ENTPD6: variants seen among roughly 807,000 people sequenced by gnomAD.
ENTPD6 encodes ectonucleoside triphosphate diphosphohydrolase 6, also known as CD39 antigen-like 2.
A neutral mutation model predicts 61.5 loss-of-function variants in ENTPD6; 46 were observed. The observed-to-expected ratio is 0.75, with a 90% confidence interval of 0.59 to 0.96. ENTPD6 has a LOEUF of 0.96. Ranked by LOEUF, ENTPD6 falls within the 40% of genes least tolerant of loss-of-function variation. The probability of loss-of-function intolerance (pLI) is 0.00; values close to 1 mark genes in which losing one functional copy is unlikely to be tolerated. For missense variants in ENTPD6, 612 were observed against 629.0 expected (o/e 0.97, Z 0.29); for synonymous variants, 252 against 255.5 (o/e 0.99, Z 0.13).
At chr20:25,214,166 G>A (rs964607950) in intron 5 of ENTPD6, among the ~76,000 whole-genome samples, 5 of 152,202 alleles carry the variant, frequency 3.3e-5, no homozygotes, top group Non-Finnish European at 5.9e-5. Context: ...CAGCTGCCCA[G>A]CATTCCGCAG....
chr20:25,205,954 A>C (rs1159295446), intron 1 of ENTPD6, among the ~76,000 whole-genome samples: 1 of 152,172 alleles, frequency 6.6e-6, no homozygotes, highest in Admixed American at 6.5e-5. Flanking sequence ...TGCTCCTTTG[A>C]CTGCTACTGC....
intron 1 of ENTPD6, among the ~76,000 whole-genome samples, chr20:25,199,718 G>A (rs534449121): frequency 1.3e-5 from 2 of 152,196 alleles, no homozygotes; most frequent in African/African-American, 4.8e-5. Flanking sequence ...TCATGTAAGT[G>A]GAATCCTACA....
intron 1 of ENTPD6, 25 bp downstream of exon 1, chr20:25,195,892 CG>C: frequency 8.1e-7 from 1 of 1,230,600 alleles, no homozygotes. Context: ...GGGGCGCTGG[CG>C]GGGGCGGCCG....
At chr20:25,207,960 A>G (rs1319478224) in intron 3 of ENTPD6, among the ~76,000 whole-genome samples, 3 of 152,064 alleles carry the variant, frequency 2.0e-5, no homozygotes, top group South Asian at 2.1e-4. Context: ...CCCCCTCGCC[A>G]CCCGGTTCCT....
Position 25,218,622 on chromosome 20 carries a change from G to C in ENTPD6, c.943+8G>C. 2 of 1,598,470 alleles carry C rather than the reference G, an allele frequency of 1.3e-6. No individual in the cohort carries two copies. The highest frequency in any genetic ancestry group is 1.7e-6 in the Non-Finnish European group (2 of 1,175,300). The stretch of plus-strand genomic sequence containing the variant: ...GCGTGGAGGGGCAGCCTGGTGAGTG[G>C]ACATGTTGCCCCGGGCCCACTTTCA... On this transcript the variant is annotated splice_region_variant and intron_variant, in intron 10 of 14. Coordinates refer to ENST00000376652, the MANE Select transcript of ENTPD6 (RefSeq NM_001247.5).
In ENTPD6 at chr20:25,225,210, CG is replaced by C. The variant is rs1296139155; in HGVS notation, c.1251del (p.Thr418ProfsTer34). ...GGGACGTGTCTCATCCCCAGTGTGT[CG>C]GACCCTGGAGACACAGCCGCAGAGC... ...DFEIAAKYVC[R>X]TLETQPQSSP... On this transcript the variant is annotated frameshift_variant, in exon 14 of 15. Coordinates refer to ENST00000376652, the MANE Select transcript of ENTPD6 (RefSeq NM_001247.5). LOFTEE classifies it high-confidence loss of function. 1 of 1,612,066 alleles carries C rather than the reference CG, an allele frequency of 6.2e-7. No individual in the cohort carries two copies. The highest frequency in any genetic ancestry group is 1.3e-5 in the African/African-American group (1 of 74,832).
At chr20:25,211,617 C>T (rs1046045481) in intron 4 of ENTPD6, among the ~76,000 whole-genome samples, 6 of 152,234 alleles carry the variant, frequency 3.9e-5, no homozygotes, top group Non-Finnish European at 8.8e-5. Flanking sequence ...TTTATGTCGG[C>T]ATGTGCAGAG....
At chr20:25,224,444 A>G (rs2092737087) in intron 13 of ENTPD6, 1 of 261,724 alleles carries the variant, frequency 3.8e-6, no homozygotes, top group Admixed American at 5.4e-5. Context: ...ATTGTCACAC[A>G]ACCCTTAAGA....
At chr20:25,209,235 G>A (rs879543194) in intron 3 of ENTPD6, among the ~76,000 whole-genome samples, 36 of 151,560 alleles carry the variant, frequency 2.4e-4, no homozygotes, top group Non-Finnish European at 4.9e-4. Context: ...TCAGCCTCCC[G>A]AGTAGCTGGG....
At position 25,218,557 on chromosome 20, in the gene ENTPD6, G is replaced by A. The variant is rs745355097; in HGVS notation, c.886G>A (p.Gly296Arg). Residue 296 changes from glycine to arginine, a missense_variant, in exon 10 of 15, where the codon GGG (glycine) becomes AGG (arginine). By Grantham distance (125) the Gly-to-Arg change is moderately radical. Transcript: ENST00000376652. ...TYKLYSYSYL[G>R]LGLMSARLAI... ...GAGGTGTCATTCCCACAGCTACCTC[G>A]GGCTCGGGCTGATGTCGGCACGCCT... 88 of 1,606,104 alleles carry A rather than the reference G, an allele frequency of 5.5e-5. No individual in the cohort carries two copies. Among genetic ancestry groups the A allele is most frequent in the Non-Finnish European group, 7.2e-5 (85 of 1,178,176 alleles).
intron 11 of ENTPD6, chr20:25,222,258 G>C (rs2092660409): frequency 6.5e-6 from 1 of 154,624 alleles, no homozygotes; most frequent in South Asian, 2.0e-4. Flanking sequence ...TGTGGACCGT[G>C]GGAACCCTGG....
chr20:25,214,671 T>A, intron 5 of ENTPD6, 196 bp from the exon 6 acceptor site: 1 of 583,350 alleles, frequency 1.7e-6, no homozygotes, highest in Non-Finnish European at 3.1e-6. Context: ...GCAAAACCCT[T>A]AACCATAAAT....
At chr20:25,221,490 G>T in intron 11 of ENTPD6, 157 bp downstream of exon 11, 1 of 706,846 alleles carries the variant, frequency 1.4e-6, no homozygotes, top group South Asian at 1.5e-5. Flanking sequence ...TGGTTTGGCT[G>T]CAGGGGCCTG....
intron 9 of ENTPD6, 107 bp from the exon 10 acceptor site, chr20:25,218,443 C>A: frequency 9.9e-7 from 1 of 1,007,132 alleles, no homozygotes; most frequent in Non-Finnish European, 1.5e-6. Flanking sequence ...CACTAACTGC[C>A]TTGCTGCAAG....
chr20:25,223,797 T>C (rs1489322348), intron 12 of ENTPD6: 4 of 249,798 alleles, frequency 1.6e-5, no homozygotes, highest in Admixed American at 1.1e-4. Flanking sequence ...TTTCTCTACT[T>C]TTATTTTTCT....
intron 1 of ENTPD6, among the ~76,000 whole-genome samples, chr20:25,202,847 T>G (rs2091154437): frequency 6.6e-6 from 1 of 152,272 alleles, no homozygotes; most frequent in Admixed American, 6.5e-5. Flanking sequence ...TATTTGTCCC[T>G]CCATTTGCCT....
chr20:25,209,892 A>G lies in ENTPD6; in HGVS notation c.420A>G (p.Pro140=). The change falls in exon 4 of 15, where the codon CCA becomes CCG. Residue 140 remains proline, a synonymous_variant. Coordinates refer to ENST00000376652, the MANE Select transcript of ENTPD6 (RefSeq NM_001247.5). ...ACGAAACCTTCAAAGCACTGAAGCC[A>G]GGTCTTTCTGCCTATGCTGATGATG... ...LTHETFKALK[P]GLSAYADDVE... is the part of the protein sequence containing the mutation. The G allele has an allele frequency of 6.2e-7, 1 of 1,614,232 alleles. No individual in the cohort carries two copies. The highest frequency in any genetic ancestry group is 8.5e-7 in the Non-Finnish European group (1 of 1,180,028).
intron 7 of ENTPD6, among the ~76,000 whole-genome samples, chr20:25,216,108 G>A (rs1600626161): frequency 6.6e-6 from 1 of 152,226 alleles, no homozygotes; most frequent in South Asian, 2.1e-4. Context: ...GTGGAACAGG[G>A]AACAGAAACA....
At chr20:25,210,360 T>C (rs2091878902) in intron 4 of ENTPD6, among the ~76,000 whole-genome samples, 1 of 152,032 alleles carries the variant, frequency 6.6e-6, no homozygotes, top group Non-Finnish European at 1.5e-5. Flanking sequence ...AAAAAATTAG[T>C]GTTGGCCAGG....
Sources: gnomAD v4.1 joint callset for allele counts (sites outside exome capture counted in the v4.1 genomes callset) on GRCh38, gnomAD v4.1.1 for gene constraint, MANE v1.5 for transcripts, NCBI Gene and HGNC (gene_info 2026-07-23, HGNC 2026-07-21) for gene names.